Variants in PACSIN1 observed in about 807,000 individuals in gnomAD.
PACSIN1 encodes the protein protein kinase C and casein kinase substrate in neurons protein 1.
PACSIN1 carries 15 observed loss-of-function variants against 59.5 expected under a neutral mutation model. That is an observed-to-expected ratio of 0.25 (90% CI 0.17 to 0.39). PACSIN1 has a LOEUF of 0.39. Among genes scored for constraint, PACSIN1 ranks in the 10% least tolerant of loss-of-function variants. The pLI, the probability that PACSIN1 is intolerant of heterozygous loss-of-function variation, is 1.00. For synonymous variants in PACSIN1, 210 were observed against 220.6 expected (o/e 0.95, Z 0.42); for missense variants, 420 against 580.2 (o/e 0.72, Z 2.84).
At chr6:34,526,118 C>T in intron 1 of PACSIN1, 125 bp from the exon 2 acceptor site, 1 of 585,154 alleles carries the variant, frequency 1.7e-6, no homozygotes, top group Non-Finnish European at 3.0e-6. Flanking sequence ...AGTCTCTGGA[C>T]AGGAAGATGG....
chr6:34,519,087 G>T (rs746256554), intron 1 of PACSIN1, among the ~76,000 whole-genome samples: 2 of 152,132 alleles, frequency 1.3e-5, no homozygotes, highest in Admixed American at 6.5e-5. Flanking sequence ...AGGGTGAAAG[G>T]TCAGACCAGG....
rs892184375 is a variant in PACSIN1 at position 34,467,165 on chromosome 6, C to T, written c.-64+895C>T. Among the ~76,000 whole-genome samples the T allele has an allele frequency of 9.2e-5, 14 of 152,340 alleles. No individual in the cohort carries two copies. In the East Asian group the frequency reaches 2.3e-3, roughly 25 times the overall value. ...GTCTGTCAGTGATTTTGCTTCCATC[C>T]TCCATCCTGGCCTTTCTATCACAAG... On this transcript the variant is annotated intron_variant, in intron 1 of 9. Transcript: ENST00000244458.
rs1302368415 is a variant in PACSIN1, at chr6:34,530,482, ACAC to A, written c.941_943del (p.Thr314del). The A allele has an allele frequency of 1.9e-6, 3 of 1,604,444 alleles. No homozygotes were observed. The African/African-American group carries it at 4.0e-5, about 22-fold the overall frequency. ...CAGGAGTGGAACCCAGACCTTCCTC[ACAC>A]CACCACCAAGAAGGAGAAACAGCCT... On this transcript the variant is annotated inframe_deletion, in exon 8 of 10. Transcript: ENST00000244458. The surrounding 1 kb of genome is among the most constrained non-coding windows in gnomAD (Gnocchi z 4.4).
At chr6:34,497,738 T>C (rs555937488) in intron 1 of PACSIN1, among the ~76,000 whole-genome samples, 1 of 152,328 alleles carries the variant, frequency 6.6e-6, no homozygotes, top group African/African-American at 2.4e-5. Flanking sequence ...TCTTCTTGAA[T>C]GCACCTGTCA....
At chr6:34,469,559 G>A (rs368227704) in intron 1 of PACSIN1, among the ~76,000 whole-genome samples, 2 of 152,238 alleles carry the variant, frequency 1.3e-5, no homozygotes, top group Admixed American at 1.3e-4. Context: ...CAGCCCAACA[G>A]GCAACAGGGT....
intron 2 of PACSIN1, 113 bp downstream of exon 2, chr6:34,526,481 C>A (rs1767483936): frequency 2.4e-6 from 2 of 831,426 alleles, no homozygotes; most frequent in Non-Finnish European, 3.9e-6. Flanking sequence ...GTCCCCCAGG[C>A]CCCTCCAAAG....
chr6:34,478,000 G>C (rs749426659), intron 1 of PACSIN1, among the ~76,000 whole-genome samples: 1 of 143,920 alleles, frequency 6.9e-6, no homozygotes, highest in African/African-American at 2.6e-5. Flanking sequence ...CAATCCTCCC[G>C]CCTCAGCCTC....
intron 1 of PACSIN1, among the ~76,000 whole-genome samples, chr6:34,467,437 G>A (rs1766511887): frequency 1.3e-5 from 2 of 152,106 alleles, no homozygotes; most frequent in Non-Finnish European, 2.9e-5. Flanking sequence ...TAAACTCTGG[G>A]AAATAGCTGG....
chr6:34,531,816 AG>A lies in PACSIN1; in HGVS notation c.1225+30del, dbSNP rs1208935705. The A allele has an allele frequency of 6.5e-7, 1 of 1,536,556 alleles. No individual in the cohort carries two copies. The highest frequency in any genetic ancestry group is 2.3e-5 in the East Asian group (1 of 43,776). Reference sequence around the variant, plus strand: ...GGACGGCTGGGCGGGGCAGTGCCTGAGAGAGGCTTGGGCCTGGATTGGGTGT... The same window carrying A: ...GGACGGCTGGGCGGGGCAGTGCCTGAAGAGGCTTGGGCCTGGATTGGGTGT... On this transcript the variant is annotated intron_variant, in intron 9 of 9. Transcript: ENST00000244458. The surrounding 1 kb of genome is among the most constrained non-coding windows in gnomAD (Gnocchi z 4.4).
Position 34,530,773 on chromosome 6 carries a change from G to A in PACSIN1, c.1037+186G>A, listed in dbSNP as rs1561972292. Among the ~76,000 whole-genome samples the A allele has an allele frequency of 6.6e-6, 1 of 152,164 alleles. No individual in the cohort carries two copies. On this transcript the variant is annotated intron_variant, in intron 8 of 9. Coordinates refer to ENST00000244458, the MANE Select transcript of PACSIN1 (RefSeq NM_020804.5). This position sits in a 1 kb window ranked among gnomAD's most constrained non-coding sequence, Gnocchi z 4.4. ...CTTTTTGGGACCAGGGACCAGTTTT[G>A]TGGAAGACAATTTTTCCACGGATGG... is the stretch of plus-strand genomic sequence containing the variant.
rs11464603 is a variant in PACSIN1, at chr6:34,496,941, CT to C, written c.-63-29282del. Among the ~76,000 whole-genome samples the C allele has an allele frequency of 9.8e-3, 986 of 100,792 alleles. 8 individuals carry two copies. Among genetic ancestry groups the C allele is most frequent in the African/African-American group, 0.037 (944 of 25,198 alleles). 66.1% of individuals were successfully genotyped at this position (100,792 alleles called of 152,430 possible). A position where few individuals can be genotyped will look rare whatever the true frequency, so the allele number is the denominator to read the frequency against. On this transcript the variant is annotated intron_variant, in intron 1 of 9. Coordinates refer to ENST00000244458, the MANE Select transcript of PACSIN1 (RefSeq NM_020804.5). ...GATATGCATCTCTTTCTCTCTCTCT[CT>C]TTTTTTTTTTTTTTTTTTTGAGACA... is the stretch of plus-strand genomic sequence containing the variant.
At chr6:34,487,031 G>A (rs1001888854) in intron 1 of PACSIN1, among the ~76,000 whole-genome samples, 6 of 149,082 alleles carry the variant, frequency 4.0e-5, no homozygotes, top group Non-Finnish European at 7.4e-5. Flanking sequence ...TTAGGTGGCC[G>A]TGGTCGTGCA....
At chr6:34,497,503 C>G (rs1766965361) in intron 1 of PACSIN1, among the ~76,000 whole-genome samples, 1 of 152,152 alleles carries the variant, frequency 6.6e-6, no homozygotes, top group African/African-American at 2.4e-5. Context: ...GAAGCTTCTC[C>G]AACGAGGCTC....
chr6:34,475,486 G>A (rs1246327802), intron 1 of PACSIN1, among the ~76,000 whole-genome samples: 9 of 152,130 alleles, frequency 5.9e-5, no homozygotes, highest in Non-Finnish European at 1.2e-4. Context: ...AGGATCCCAC[G>A]GAGAGCTCTA....
At chr6:34,489,450 A>G (rs1381255080) in intron 1 of PACSIN1, among the ~76,000 whole-genome samples, 1 of 152,134 alleles carries the variant, frequency 6.6e-6, no homozygotes, top group Non-Finnish European at 1.5e-5. Context: ...GGTGCGGTGT[A>G]TGGTGAGACC....
rs1000633926 is a variant in PACSIN1 at position 34,529,172 on chromosome 6, A to G, written c.457-225A>G. Among the ~76,000 whole-genome samples, 2 of 152,040 alleles carry G rather than the reference A, an allele frequency of 1.3e-5. No individual in the cohort carries two copies. The highest frequency in any genetic ancestry group is 4.8e-5 in the African/African-American group (2 of 41,400). On this transcript the variant is annotated intron_variant, in intron 4 of 9. Coordinates refer to ENST00000244458, the MANE Select transcript of PACSIN1 (RefSeq NM_020804.5). The surrounding 1 kb of genome is among the most constrained non-coding windows in gnomAD (Gnocchi z 6.3). ...GATGGGGCGGGCACTGCACTGCCTG[A>G]CAGGAGGGTATCTGCAGGGGAGCAG... is the stretch of plus-strand genomic sequence containing the variant.
In PACSIN1 at chr6:34,521,650, C is replaced by T. The variant is rs187876524; in HGVS notation, c.-63-4593C>T. On this transcript the variant is annotated intron_variant, in intron 1 of 9. Coordinates refer to ENST00000244458, the MANE Select transcript of PACSIN1 (RefSeq NM_020804.5). The surrounding 1 kb of genome is among the most constrained non-coding windows in gnomAD (Gnocchi z 4.3). Reference sequence around the variant, plus strand: ...ATCCTCATGGACAAGAAAGGCAAGACCCTTCCTGGCTCCACAGAGAGAGAG... The same window carrying T: ...ATCCTCATGGACAAGAAAGGCAAGATCCTTCCTGGCTCCACAGAGAGAGAG... Among the ~76,000 whole-genome samples, 4 of 152,282 alleles carry T rather than the reference C, an allele frequency of 2.6e-5. No homozygotes were observed. Among genetic ancestry groups the T allele is most frequent in the East Asian group, 3.9e-4 (2 of 5,172 alleles).
At chr6:34,526,701 C>G (rs1767490442) in intron 2 of PACSIN1, among the ~76,000 whole-genome samples, 2 of 152,226 alleles carry the variant, frequency 1.3e-5, no homozygotes, top group East Asian at 3.9e-4. Flanking sequence ...CGCTCGCCCC[C>G]CATCCTGAGG....
intron 1 of PACSIN1, among the ~76,000 whole-genome samples, chr6:34,492,602 G>A (rs1463383287): frequency 1.3e-5 from 2 of 152,078 alleles, no homozygotes; most frequent in East Asian, 1.9e-4. Context: ...GGCTGGTCTC[G>A]AACTCCTGAC....
Sources: allele counts gnomAD v4.1 joint callset (sites outside exome capture counted in the v4.1 genomes callset), GRCh38; gene constraint gnomAD v4.1.1; non-coding constraint Gnocchi (gnomAD v3.1); transcripts MANE v1.5; gene names NCBI Gene and HGNC (gene_info 2026-07-23, HGNC 2026-07-21).